Variants in BRI3BP observed in about 807,000 individuals in gnomAD.
BRI3BP encodes BRI3-binding protein.
A neutral mutation model predicts 15.8 loss-of-function variants in BRI3BP; 7 were observed. That is an observed-to-expected ratio of 0.44 (90% CI 0.25 to 0.83). The LOEUF (loss-of-function observed/expected upper bound fraction) is 0.83. Ranked by LOEUF, BRI3BP falls within the 40% of genes least tolerant of loss-of-function variation. The probability of loss-of-function intolerance (pLI) is 0.20; values close to 1 mark genes in which losing one functional copy is unlikely to be tolerated. For missense variants in BRI3BP, 320 were observed against 339.3 expected (o/e 0.94, Z 0.45); for synonymous variants, 192 against 163.5 (o/e 1.17, Z -1.33).
At chr12:125,024,344 C>T (rs7299557) in intron 2 of BRI3BP, among the ~76,000 whole-genome samples, 72,565 of 150,752 alleles carry the variant, frequency 0.48, 19,309 homozygotes, top group African/African-American at 0.71. Flanking sequence ...TTCCTCCACA[C>T]GTGAGGATTA....
intron 2 of BRI3BP, among the ~76,000 whole-genome samples, chr12:125,016,810 G>A (rs1955248522): frequency 7.1e-6 from 1 of 141,538 alleles, no homozygotes; most frequent in Non-Finnish European, 1.5e-5. Context: ...ACGGGCATGA[G>A]CCACTGCGCC....
chr12:125,050,799 C>T, the BRI3BP span, among the ~76,000 whole-genome samples: 2 of 152,280 alleles, frequency 1.3e-5, no homozygotes, highest in East Asian at 1.9e-4. Context: ...CTAGGAGCAG[C>T]CTTCTCGAGG....
chr12:124,997,637 T>G (rs892548739), intron 1 of BRI3BP, among the ~76,000 whole-genome samples: 1 of 152,112 alleles, frequency 6.6e-6, no homozygotes, highest in Non-Finnish European at 1.5e-5. Flanking sequence ...GTAGAATATT[T>G]CTATATGAAG....
chr12:125,032,946 G>A (rs554612353), downstream of BRI3BP, among the ~76,000 whole-genome samples: 192 of 152,212 alleles, frequency 1.3e-3, no homozygotes, highest in African/African-American at 4.6e-3. Context: ...CGGACCTAGA[G>A]GGTGCCGGGA....
chr12:124,997,372 C>T (rs963187101), intron 1 of BRI3BP, among the ~76,000 whole-genome samples: 2 of 150,724 alleles, frequency 1.3e-5, no homozygotes, highest in Non-Finnish European at 3.0e-5. Context: ...GATGCCACCA[C>T]GACCAGCTAA....
downstream of BRI3BP, among the ~76,000 whole-genome samples, chr12:125,031,808 G>A (rs981649286): frequency 2.2e-4 from 33 of 152,148 alleles, no homozygotes; most frequent in East Asian, 5.8e-4. Flanking sequence ...GATAACAGGC[G>A]TGAGCCATCA....
At chr12:125,035,451 T>C (rs978683507), downstream of BRI3BP, among the ~76,000 whole-genome samples, 1 of 151,154 alleles carries the variant, frequency 6.6e-6, no homozygotes, top group Non-Finnish European at 1.5e-5. Context: ...TGGAGTGCAG[T>C]GGTGCAATCA....
At position 125,012,556 on chromosome 12, in the gene BRI3BP, G is replaced by A. The variant is rs201449982; in HGVS notation, c.236G>A (p.Arg79Lys). 888 of 1,612,370 alleles carry A rather than the reference G, an allele frequency of 5.5e-4. No individual in the cohort carries two copies. Among genetic ancestry groups the A allele is most frequent in the Non-Finnish European group, 7.1e-4 (833 of 1,178,550 alleles). The change falls in exon 2 of 3, where the codon AGA becomes AAA. Residue 79 changes from arginine to lysine, a missense_variant. Physicochemically the swap from Arg to Lys is conservative, Grantham distance 26. Coordinates refer to ENST00000341446, the MANE Select transcript of BRI3BP (RefSeq NM_080626.6). Reference sequence around the variant, plus strand: ...CAGTTCTTGGCCAGGCTGACTGAGAGATTTGTGCTGGGAGTGGATATGTTC... The same window carrying A: ...CAGTTCTTGGCCAGGCTGACTGAGAAATTTGTGCTGGGAGTGGATATGTTC... ...AQKFLARLTE[R>K]FVLGVDMFVE... is the part of the protein sequence containing the mutation.
At chr12:125,007,189 ACT>A (rs1352996227) in intron 1 of BRI3BP, among the ~76,000 whole-genome samples, 2 of 150,542 alleles carry the variant, frequency 1.3e-5, no homozygotes, top group South Asian at 2.1e-4. Context: ...ACAGAGTGAG[ACT>A]CTGTCTCCGC....
At chr12:125,044,390 C>T in the BRI3BP span, among the ~76,000 whole-genome samples, 8 of 151,038 alleles carry the variant, frequency 5.3e-5, no homozygotes, top group South Asian at 6.3e-4. Flanking sequence ...ACTTCATGAT[C>T]GGCCTGCCTC....
chr12:125,042,462 T>G, the BRI3BP span, among the ~76,000 whole-genome samples: 1 of 151,494 alleles, frequency 6.6e-6, no homozygotes, highest in Non-Finnish European at 1.5e-5. Context: ...CTTTAGGAAC[T>G]AGGTTGTGAA....
At chr12:125,048,308 G>T in the BRI3BP span, among the ~76,000 whole-genome samples, 1 of 152,090 alleles carries the variant, frequency 6.6e-6, no homozygotes, top group Non-Finnish European at 1.5e-5. Context: ...TGTTCCTAAG[G>T]TTCCTCAGCT....
chr12:125,002,451 T>G (rs11057973), intron 1 of BRI3BP, among the ~76,000 whole-genome samples: 1,989 of 147,424 alleles, frequency 0.013, 49 homozygotes, highest in African/African-American at 0.043. Context: ...CTGGTTTTTT[T>G]TTTTGTTTTG....
rs376973420 is a variant in BRI3BP at position 125,025,226 on chromosome 12, G to T, written c.552G>T (p.Ala184=). ...LHKYEGEPEN[A]VLPLCFVVAV... is the part of the protein sequence containing the mutation. ...AGTACGAGGGCGAGCCGGAGAACGC[G>T]GTGCTGCCGCTGTGCTTCGTGGTGG... Residue 184 remains alanine, a synonymous_variant, in exon 3 of 3, where the codon GCG becomes GCT. Transcript: ENST00000341446. The T allele has an allele frequency of 2.6e-5, 42 of 1,614,094 alleles. No individual in the cohort carries two copies. The African/African-American group carries it at 4.4e-4, about 17-fold the overall frequency.
intron 1 of BRI3BP, among the ~76,000 whole-genome samples, chr12:125,000,627 T>C (rs1212467546): frequency 6.6e-6 from 1 of 152,160 alleles, no homozygotes; most frequent in Non-Finnish European, 1.5e-5. Context: ...CCTATAATTT[T>C]TTATGTTGAT....
At chr12:125,004,317 A>C (rs1955124302) in intron 1 of BRI3BP, among the ~76,000 whole-genome samples, 1 of 152,102 alleles carries the variant, frequency 6.6e-6, no homozygotes. Context: ...CCACAGGTAC[A>C]TGCCACCATG....
At chr12:125,010,152 G>A (rs1444957672) in intron 1 of BRI3BP, among the ~76,000 whole-genome samples, 1 of 151,958 alleles carries the variant, frequency 6.6e-6, no homozygotes, top group Admixed American at 6.6e-5. Context: ...CAGGAGTCTT[G>A]AACACTTACC....
intron 1 of BRI3BP, 144 bp downstream of exon 1, chr12:124,994,147 G>T: frequency 2.1e-6 from 1 of 485,450 alleles, no homozygotes; most frequent in East Asian, 8.4e-5. Context: ...GCGCCTCGGG[G>T]CCTGCCGCCT....
intron 1 of BRI3BP, among the ~76,000 whole-genome samples, chr12:125,001,303 G>T (rs1181367290): frequency 1.3e-5 from 2 of 151,934 alleles, no homozygotes. Context: ...TGATCTGCCC[G>T]GCTCGGCCTC....
Sources: gnomAD v4.1 joint callset for allele counts (sites outside exome capture counted in the v4.1 genomes callset) on GRCh38, gnomAD v4.1.1 for gene constraint, MANE v1.5 for transcripts, NCBI Gene and HGNC (gene_info 2026-07-23, HGNC 2026-07-21) for gene names.